Variants in MAP3K1 observed in about 807,000 individuals in gnomAD.
MAP3K1 encodes mitogen-activated protein kinase kinase kinase 1, also known as MAP/ERK kinase kinase 1.
MAP3K1 carries 36 observed loss-of-function variants against 144.2 expected under a neutral mutation model. The observed-to-expected ratio is 0.25, with a 90% CI of 0.19 to 0.33. MAP3K1 has a LOEUF of 0.33. MAP3K1 is among the 10% of genes least tolerant of loss of function. The pLI is 1.00. For missense variants in MAP3K1, 1,650 were observed against 1,881.9 expected (o/e 0.88, Z 2.28); for synonymous variants, 718 against 688.7 (o/e 1.04, Z -0.67).
intron 1 of MAP3K1, among the ~76,000 whole-genome samples, chr5:56,825,674 G>A (rs889523326): frequency 6.6e-6 from 1 of 152,104 alleles, no homozygotes; most frequent in Non-Finnish European, 1.5e-5. Flanking sequence ...TACTCTTCTG[G>A]CTTTCACACC....
chr5:56,843,724 C>A (rs930432389), intron 1 of MAP3K1, among the ~76,000 whole-genome samples: 2 of 152,122 alleles, frequency 1.3e-5, no homozygotes, highest in African/African-American at 4.8e-5. Context: ...AACGAGACTA[C>A]CCATCTCGCT....
At position 56,866,279 on chromosome 5, in the gene MAP3K1, A is replaced by T. The variant is rs564065237; in HGVS notation, c.1301+302A>T. Among the ~76,000 whole-genome samples the T allele has an allele frequency of 9.2e-5, 14 of 152,152 alleles. No individual in the cohort carries two copies. The South Asian group carries it at 2.9e-3, about 32-fold the overall frequency. ...GTAAAATAATTAGCTGGGAGTGGTG[A>T]TACCTGTAGTCCCAGTTACTCGAGA... is the stretch of plus-strand genomic sequence containing the variant. On this transcript the variant is annotated intron_variant, in intron 6 of 19. Transcript: ENST00000399503.
chr5:56,881,688 G>T lies in MAP3K1; in HGVS notation c.2488G>T (p.Val830Leu). The T allele has an allele frequency of 6.2e-7, 1 of 1,614,040 alleles. No individual in the cohort carries two copies. The highest frequency in any genetic ancestry group is 8.5e-7 in the Non-Finnish European group (1 of 1,179,956). Residue 830 changes from valine (V) to leucine (L), a missense_variant, in exon 14 of 20, where the codon GTA becomes TTA. By Grantham distance (32) the Val-to-Leu change is conservative. This residue lies in a region of MAP3K1 where 841 missense variants were observed against 886.5 expected (regional missense o/e 0.95). Transcript: ENST00000399503. ...YLSSARMVTT[V>L]PHVFSKLLEM... ...GAGTTCTGCAAGAATGGTTACTACA[G>T]TACCCCATGTGTTTTCAAAACTGTT...
intron 10 of MAP3K1, among the ~76,000 whole-genome samples, chr5:56,878,362 G>A (rs989686695): frequency 6.6e-6 from 1 of 152,010 alleles, no homozygotes; most frequent in African/African-American, 2.4e-5. Context: ...ATGACGGGTC[G>A]ATGGATGCAG....
intron 1 of MAP3K1, among the ~76,000 whole-genome samples, chr5:56,854,422 A>T (rs1303493549): frequency 8.7e-6 from 1 of 114,468 alleles, no homozygotes; most frequent in Non-Finnish European, 1.8e-5. Context: ...ACAAGAGCTA[A>T]ACTCCATCTC....
chr5:56,835,615 A>G (rs1475007985), intron 1 of MAP3K1, among the ~76,000 whole-genome samples: 1 of 151,826 alleles, frequency 6.6e-6, no homozygotes, highest in African/African-American at 2.4e-5. Context: ...ATCTTAGGCT[A>G]CTCTGGAGAA....
intron 1 of MAP3K1, chr5:56,820,828 T>C (rs768343395): frequency 6.1e-6 from 6 of 983,552 alleles, no homozygotes; most frequent in Non-Finnish European, 7.2e-6. Context: ...TAGGTTGTAG[T>C]ATGAACATGT....
At chr5:56,862,874 T>C (rs1236600311) in intron 3 of MAP3K1, among the ~76,000 whole-genome samples, 1 of 152,226 alleles carries the variant, frequency 6.6e-6, no homozygotes, top group African/African-American at 2.4e-5. Context: ...TACAATTCAG[T>C]GTTTTATAGT....
intron 3 of MAP3K1, among the ~76,000 whole-genome samples, chr5:56,861,400 C>T (rs939204263): frequency 2.6e-5 from 4 of 151,748 alleles, no homozygotes; most frequent in South Asian, 2.1e-4. Flanking sequence ...GGTGAAACCC[C>T]GTCTCTACTA....
At chr5:56,818,345 A>G (rs750876433) in intron 1 of MAP3K1, among the ~76,000 whole-genome samples, 28 of 152,180 alleles carry the variant, frequency 1.8e-4, no homozygotes, top group Non-Finnish European at 3.2e-4. Flanking sequence ...TAAAATATCA[A>G]TTGAACTTTA....
At position 56,881,624 on chromosome 5, in the gene MAP3K1, C is replaced by G; in HGVS notation, c.2424C>G (p.Ser808=). 1 of 1,613,874 alleles carries G rather than the reference C, an allele frequency of 6.2e-7. No homozygotes were observed. The highest frequency in any genetic ancestry group is 2.2e-5 in the East Asian group (1 of 44,880). Residue 808 remains serine (S), a synonymous_variant, in exon 14 of 20, where the codon TCC becomes TCG. Coordinates refer to ENST00000399503, the MANE Select transcript of MAP3K1 (RefSeq NM_005921.2). The stretch of plus-strand genomic sequence containing the variant: ...TTGCTTTGCAGTCCATTGATAATTC[C>G]CACTCAATGGTTGGCAAACTTTCCA... ...LTFALQSIDN[S]HSMVGKLSRR...
chr5:56,850,460 T>C (rs1040029146), intron 1 of MAP3K1, among the ~76,000 whole-genome samples: 14 of 152,346 alleles, frequency 9.2e-5, no homozygotes, highest in African/African-American at 3.4e-4. Flanking sequence ...GCTCTAATAA[T>C]GAAGAGAATT....
chr5:56,843,326 C>T (rs1443401075), intron 1 of MAP3K1, among the ~76,000 whole-genome samples: 3 of 152,186 alleles, frequency 2.0e-5, no homozygotes, highest in Non-Finnish European at 4.4e-5. Flanking sequence ...ATTGGCCTCG[C>T]CCCCTCGGAC....
At chr5:56,877,799 C>G (rs905352919) in intron 10 of MAP3K1, among the ~76,000 whole-genome samples, 3 of 152,128 alleles carry the variant, frequency 2.0e-5, no homozygotes, top group African/African-American at 7.2e-5. Flanking sequence ...AATCCAGGAT[C>G]CCACAGTGCA....
intron 10 of MAP3K1, among the ~76,000 whole-genome samples, chr5:56,876,117 C>T (rs1256010741): frequency 7.1e-6 from 1 of 141,474 alleles, no homozygotes; most frequent in African/African-American, 2.7e-5. Flanking sequence ...GTATATGTCT[C>T]TTTAGGGCTT....
At chr5:56,851,249 A>G (rs1475485720) in intron 1 of MAP3K1, among the ~76,000 whole-genome samples, 2 of 152,168 alleles carry the variant, frequency 1.3e-5, no homozygotes, top group Non-Finnish European at 2.9e-5. Flanking sequence ...CCCGGCCAGG[A>G]TTCTATTTTT....
intron 16 of MAP3K1, 69 bp downstream of exon 16, chr5:56,884,895 A>C: frequency 7.0e-7 from 1 of 1,418,838 alleles, no homozygotes; most frequent in Non-Finnish European, 9.8e-7. Context: ...AGGAAAAACC[A>C]GTTTAATTAA....
Position 56,815,681 on chromosome 5 carries a change from G to T in MAP3K1, c.108G>T (p.Ala36=). ...GAGGAGCCCTCAAGGCGAGCAGCGC[G>T]CCCGCGGCTGCCGCGGGACTGCTGC... ...GGGGALKASS[A]PAAAAGLLRE... Residue 36 remains alanine, a synonymous_variant, in exon 1 of 20, where the codon GCG becomes GCT. Transcript: ENST00000399503. 1 of 1,302,200 alleles carries T rather than the reference G, an allele frequency of 7.7e-7. No individual in the cohort carries two copies. Among genetic ancestry groups the T allele is most frequent in the Non-Finnish European group, 9.7e-7 (1 of 1,029,610 alleles). The allele number at this position is 1,302,200 out of a possible 1,614,324, so 80.7% of individuals were successfully genotyped here.
intron 1 of MAP3K1, among the ~76,000 whole-genome samples, chr5:56,832,412 T>A (rs1259587576): frequency 2.0e-5 from 3 of 152,196 alleles, no homozygotes; most frequent in African/African-American, 4.8e-5. Flanking sequence ...TTATCTGAAA[T>A]GGCAATAATA....
Sources: gnomAD v4.1 joint callset for allele counts (sites outside exome capture counted in the v4.1 genomes callset) on GRCh38, gnomAD v4.1.1 for gene constraint, gnomAD v4.1.1 regional missense constraint, MANE v1.5 for transcripts, NCBI Gene and HGNC (gene_info 2026-07-23, HGNC 2026-07-21) for gene names.